Variants in CTNNA2 observed in about 807,000 individuals in gnomAD.
CTNNA2 encodes catenin alpha 2, also known as catenin alpha-2.
CTNNA2 carries 42 observed loss-of-function variants against 101.0 expected under a neutral mutation model. That is an observed-to-expected ratio of 0.42 (90% CI 0.32 to 0.54). The LOEUF (loss-of-function observed/expected upper bound fraction) is 0.54. CTNNA2 is among the 20% of genes least tolerant of loss of function. CTNNA2 has a pLI of 0.14. For missense variants in CTNNA2, 871 were observed against 1,223.1 expected (o/e 0.71, Z 4.29); for synonymous variants, 450 against 456.4 (o/e 0.99, Z 0.18).
At position 80,543,135 on chromosome 2, in the gene CTNNA2, G is replaced by A. The variant is rs146567741; in HGVS notation, c.1291-1847G>A. On this transcript the variant is annotated intron_variant, in intron 9 of 18. Transcript: ENST00000402739. ...ATTGTTTAATTTATTAAATAAACATGTACAAAACACCAATTCTGTGTCATG... is the reference window on the plus strand; with the variant it reads ...ATTGTTTAATTTATTAAATAAACATATACAAAACACCAATTCTGTGTCATG... Among the ~76,000 whole-genome samples, 214 of 152,272 alleles carry A rather than the reference G, an allele frequency of 1.4e-3. 2 individuals carry two copies. Among genetic ancestry groups the A allele is most frequent in the South Asian group, 0.014 (66 of 4,822 alleles).
intron 2 of CTNNA2, among the ~76,000 whole-genome samples, chr2:79,677,961 C>T (rs1018182630): frequency 2.0e-5 from 3 of 152,082 alleles, no homozygotes; most frequent in African/African-American, 7.2e-5. Flanking sequence ...TTAAACAAAA[C>T]AAAGCAAAAA....
At chr2:80,135,305 C>A (rs1245251292) in intron 7 of CTNNA2, among the ~76,000 whole-genome samples, 2 of 152,180 alleles carry the variant, frequency 1.3e-5, no homozygotes, top group African/African-American at 4.8e-5. Context: ...CCCAAGGAGA[C>A]AGATGTCAGC....
chr2:79,271,723 G>A (rs1048399149), intron 2 of CTNNA2, among the ~76,000 whole-genome samples: 4 of 151,926 alleles, frequency 2.6e-5, no homozygotes, highest in Non-Finnish European at 5.9e-5. Context: ...ACGTCCCTAG[G>A]GCAGGTCAGG....
At chr2:80,552,479 G>A (rs1558578854) in intron 11 of CTNNA2, among the ~76,000 whole-genome samples, 1 of 152,158 alleles carries the variant, frequency 6.6e-6, no homozygotes, top group Non-Finnish European at 1.5e-5. Flanking sequence ...CTACTATCAT[G>A]AAGAAACTGT....
chr2:80,546,193 A>T, intron 11 of CTNNA2, 130 bp downstream of exon 11: 1 of 1,109,584 alleles, frequency 9.0e-7, no homozygotes, highest in Non-Finnish European at 1.3e-6. Flanking sequence ...TTTTTTGATC[A>T]TCTCTGCAAA....
chr2:80,108,668 T>C (rs1461362250), intron 7 of CTNNA2, among the ~76,000 whole-genome samples: 1 of 152,220 alleles, frequency 6.6e-6, no homozygotes, highest in Non-Finnish European at 1.5e-5. Context: ...ACAATCAATG[T>C]TGTCTCCCAT....
chr2:79,738,542 A>G (rs763708967), intron 2 of CTNNA2, among the ~76,000 whole-genome samples: 3 of 152,190 alleles, frequency 2.0e-5, no homozygotes, highest in Admixed American at 6.5e-5. Context: ...TGGGTACAGA[A>G]ATAAGTGAGT....
At chr2:79,957,479 A>G (rs1450129328) in intron 7 of CTNNA2, among the ~76,000 whole-genome samples, 1 of 152,138 alleles carries the variant, frequency 6.6e-6, no homozygotes, top group Admixed American at 6.5e-5. Context: ...TTCTGGCTGT[A>G]TCCTTCCCTG....
chr2:80,239,871 C>G (rs1052042248), intron 7 of CTNNA2, among the ~76,000 whole-genome samples: 1 of 151,546 alleles, frequency 6.6e-6, no homozygotes, highest in African/African-American at 2.4e-5. Context: ...GAGATCGCTC[C>G]ATTGCACTCC....
chr2:79,606,082 G>A (rs1471953030), intron 1 of CTNNA2, among the ~76,000 whole-genome samples: 3 of 151,790 alleles, frequency 2.0e-5, no homozygotes, highest in Admixed American at 6.6e-5. Flanking sequence ...ACATACAAAA[G>A]GTGAAAAAAT....
rs112879545 is a variant in CTNNA2, at chr2:79,236,254, T to C, written c.-406+38178T>C. ...CTCAAGCAATCTTCCCCGCTCAGCC[T>C]CCTGTGTACCTAAGGACTACAGGCA... On this transcript the variant is annotated intron_variant, in intron 2 of 21. Coordinates refer to the CTNNA2 transcript ENST00000466387. Among the ~76,000 whole-genome samples, 1,454 of 152,302 alleles carry C rather than the reference T, an allele frequency of 9.5e-3. 13 individuals are homozygous for C. Among genetic ancestry groups the C allele is most frequent in the African/African-American group, 0.033 (1,371 of 41,566 alleles).
chr2:80,556,616 A>G (rs1236884134), intron 12 of CTNNA2, among the ~76,000 whole-genome samples: 1 of 152,154 alleles, frequency 6.6e-6, no homozygotes, highest in Non-Finnish European at 1.5e-5. Context: ...AATTAGAACA[A>G]TCTACAACTC....
At chr2:79,804,446 A>G (rs905808124) in intron 3 of CTNNA2, among the ~76,000 whole-genome samples, 3 of 152,206 alleles carry the variant, frequency 2.0e-5, no homozygotes, top group African/African-American at 7.2e-5. Context: ...CAATAGAAAT[A>G]TAATAAAAGA....
chr2:79,802,040 T>C (rs942482727), intron 3 of CTNNA2, among the ~76,000 whole-genome samples: 7 of 147,784 alleles, frequency 4.7e-5, no homozygotes, highest in Non-Finnish European at 9.0e-5. Flanking sequence ...GAAAAAAAGC[T>C]ATTCCGATAC....
At chr2:79,767,171 G>T (rs1238561634) in intron 3 of CTNNA2, among the ~76,000 whole-genome samples, 1 of 151,684 alleles carries the variant, frequency 6.6e-6, no homozygotes, top group Non-Finnish European at 1.5e-5. Flanking sequence ...GCATTTTTTG[G>T]CTCCCTAATT....
Position 80,286,726 on chromosome 2 carries a change from C to T in CTNNA2, c.1057-106485C>T, listed in dbSNP as rs533329116. On this transcript the variant is annotated intron_variant, in intron 7 of 18. Coordinates refer to ENST00000402739, the MANE Select transcript of CTNNA2 (RefSeq NM_001282597.3). ...ATCAAGCCCTACGAAACTTCTCACA[C>T]ATTCCCTGAATTGAGGAAACCGTTT... Among the ~76,000 whole-genome samples the T allele has an allele frequency of 2.0e-5, 3 of 152,332 alleles. No individual in the cohort carries two copies. The South Asian group carries it at 6.2e-4, about 32-fold the overall frequency.
At chr2:80,559,448 T>C (rs1573264900) in intron 12 of CTNNA2, among the ~76,000 whole-genome samples, 1 of 152,132 alleles carries the variant, frequency 6.6e-6, no homozygotes, top group African/African-American at 2.4e-5. Flanking sequence ...AATTGAGAGG[T>C]GCCCAAAGAG....
intron 9 of CTNNA2, among the ~76,000 whole-genome samples, chr2:80,540,614 A>C (rs2149616782): frequency 6.7e-6 from 1 of 148,934 alleles, no homozygotes; most frequent in South Asian, 2.2e-4. Flanking sequence ...AAAAAAAATC[A>C]ATTTTGAGAT....
intron 2 of CTNNA2, among the ~76,000 whole-genome samples, chr2:79,234,578 C>T (rs1002580401): frequency 6.6e-6 from 1 of 152,054 alleles, no homozygotes; most frequent in Non-Finnish European, 1.5e-5. Context: ...TGTATGTTCT[C>T]CTCTCTAGCA....
Sources: allele counts gnomAD v4.1 joint callset (sites outside exome capture counted in the v4.1 genomes callset), GRCh38; gene constraint gnomAD v4.1.1; transcripts MANE v1.5; gene names NCBI Gene and HGNC (gene_info 2026-07-23, HGNC 2026-07-21).